Variants in PLCE1 observed in about 807,000 individuals in gnomAD.
PLCE1 encodes the protein 1-phosphatidylinositol 4,5-bisphosphate phosphodiesterase epsilon-1.
PLCE1 carries 119 observed loss-of-function variants against 242.8 expected under a neutral mutation model. The observed-to-expected ratio is 0.49, with a 90% CI of 0.42 to 0.57. The LOEUF (loss-of-function observed/expected upper bound fraction) is 0.57, where lower values mean the gene tolerates loss of function less well. Ranked by LOEUF, PLCE1 falls within the 20% of genes least tolerant of loss-of-function variation. The pLI is 0.00. For missense variants in PLCE1, 2,441 were observed against 2,788.8 expected, an observed-to-expected ratio of 0.88 and a Z score of 2.81; for synonymous variants, 945 against 1,017.4, an observed-to-expected ratio of 0.93 and a Z score of 1.35.
intron 20 of PLCE1, chr10:94,283,117 C>T (rs934189239): frequency 1.3e-5 from 2 of 151,986 alleles, no homozygotes; most frequent in Non-Finnish European, 2.9e-5. Flanking sequence ...CTTCTAATAC[C>T]TTTAGAGTCA....
intron 24 of PLCE1, among the ~76,000 whole-genome samples, chr10:94,301,292 C>T (rs946595236): frequency 2.4e-4 from 36 of 151,242 alleles, no homozygotes; most frequent in African/African-American, 7.8e-4. Flanking sequence ...TGCAGTGAGC[C>T]GAGATCGCGC....
chr10:94,140,544 G>C (rs2046924673), intron 3 of PLCE1, among the ~76,000 whole-genome samples: 1 of 152,056 alleles, frequency 6.6e-6, no homozygotes, highest in Non-Finnish European at 1.5e-5. Context: ...CTCCCATCAA[G>C]TTTTCAACTT....
intron 2 of PLCE1, among the ~76,000 whole-genome samples, chr10:94,078,809 A>G (rs2044576430): frequency 6.6e-6 from 1 of 152,210 alleles, no homozygotes; most frequent in Non-Finnish European, 1.5e-5. Flanking sequence ...GATTGGCAAT[A>G]GCTACAACAT....
At chr10:94,235,723 T>A (rs2050299500) in intron 6 of PLCE1, 192 bp from the exon 7 acceptor site, 2 of 984,078 alleles carry the variant, frequency 2.0e-6, no homozygotes, top group African/African-American at 1.7e-5. Flanking sequence ...GTTGTCTCAG[T>A]GGAAACAAGG....
At chr10:94,221,169 T>C (rs2049730725) in intron 4 of PLCE1, among the ~76,000 whole-genome samples, 1 of 152,174 alleles carries the variant, frequency 6.6e-6, no homozygotes, top group Admixed American at 6.5e-5. Context: ...AAATTATTGA[T>C]CTCTGGCCTT....
intron 1 of PLCE1, among the ~76,000 whole-genome samples, chr10:94,004,239 C>A (rs2134202576): frequency 6.6e-6 from 1 of 152,244 alleles, no homozygotes; most frequent in South Asian, 2.1e-4. Context: ...GATGGATAGA[C>A]ACCATCCTTG....
At chr10:94,243,979 T>C (rs2050595219) in intron 7 of PLCE1, among the ~76,000 whole-genome samples, 1 of 152,206 alleles carries the variant, frequency 6.6e-6, no homozygotes, top group Non-Finnish European at 1.5e-5. Flanking sequence ...CAGAATTACA[T>C]TGCATGAATA....
intron 4 of PLCE1, chr10:94,225,104 G>A (rs943015136): frequency 6.6e-6 from 1 of 152,214 alleles, no homozygotes; most frequent in Admixed American, 6.5e-5. Flanking sequence ...TTTCAGAAGG[G>A]AAGAGGAAGA....
intron 2 of PLCE1, among the ~76,000 whole-genome samples, chr10:94,115,622 C>G (rs2046100574): frequency 6.6e-6 from 1 of 152,084 alleles, no homozygotes; most frequent in Non-Finnish European, 1.5e-5. Flanking sequence ...TTGTTTTTTT[C>G]TTGTAAATTT....
intron 2 of PLCE1, among the ~76,000 whole-genome samples, chr10:94,048,466 T>A (rs1196841819): frequency 6.6e-6 from 1 of 151,978 alleles, no homozygotes; most frequent in Non-Finnish European, 1.5e-5. Context: ...TTTCAACTTG[T>A]TATTTTGCCA....
chr10:94,134,647 G>A (rs1367878128), intron 3 of PLCE1, among the ~76,000 whole-genome samples: 1 of 152,132 alleles, frequency 6.6e-6, no homozygotes, highest in Non-Finnish European at 1.5e-5. Context: ...GGATCTCTAG[G>A]CTGCCCAACC....
At chr10:94,003,744 C>T (rs2060978999) in intron 1 of PLCE1, among the ~76,000 whole-genome samples, 1 of 152,102 alleles carries the variant, frequency 6.6e-6, no homozygotes, top group Non-Finnish European at 1.5e-5. Context: ...ATGAAGTGCA[C>T]ACCATGGATT....
At chr10:94,063,176 C>T (rs1489153430) in intron 2 of PLCE1, among the ~76,000 whole-genome samples, 2 of 152,234 alleles carry the variant, frequency 1.3e-5, no homozygotes, top group African/African-American at 4.8e-5. Context: ...TCACTCACCA[C>T]TCTCCCTCCT....
At chr10:94,301,379 T>C (rs1483446516) in intron 24 of PLCE1, among the ~76,000 whole-genome samples, 1 of 151,558 alleles carries the variant, frequency 6.6e-6, no homozygotes, top group Non-Finnish European at 1.5e-5. Context: ...TATATATAGA[T>C]AGATAGATCG....
rs1296670516 is a variant in PLCE1 at position 94,313,185 on chromosome 10, T to G, written c.6004-69T>G. Reference sequence around the variant, plus strand: ...ATCCGTACTTCTAAGTACTAGCACCTCTGTATCAAATAGAGCTTAGAAATA... The same window carrying G: ...ATCCGTACTTCTAAGTACTAGCACCGCTGTATCAAATAGAGCTTAGAAATA... On this transcript the variant is annotated intron_variant, in intron 27 of 32. Coordinates refer to ENST00000371380, the MANE Select transcript of PLCE1 (RefSeq NM_016341.4). 3.8e-6 allele frequency: 6 copies of G among 1,582,800 alleles called. No individual in the cohort carries two copies. The Middle Eastern group carries it at 6.4e-4, about 169-fold the overall frequency.
intron 26 of PLCE1, among the ~76,000 whole-genome samples, chr10:94,308,368 G>A (rs1404773474): frequency 2.6e-5 from 4 of 152,144 alleles, no homozygotes; most frequent in Non-Finnish European, 5.9e-5. Context: ...TTCTGTTTGA[G>A]TCTAAGTTGG....
At chr10:94,087,349 CAAAAAAA>C (rs57482986) in intron 2 of PLCE1, among the ~76,000 whole-genome samples, 1 of 67,510 alleles carries the variant, frequency 1.5e-5, no homozygotes. Context: ...GACCCTGTCT[CAAAAAAA>C]AAAAAAAAAA....
At position 94,159,452 on chromosome 10, in the gene PLCE1, TTCTC is replaced by T. The variant is rs10571613; in HGVS notation, c.1493-11716_1493-11713del. 2.7e-3 allele frequency among the ~76,000 whole-genome samples: 403 copies of T among 151,810 alleles called. 1 individual carries two copies. Among genetic ancestry groups the T allele is most frequent in the African/African-American group, 9.2e-3 (379 of 41,408 alleles). On this transcript the variant is annotated intron_variant, in intron 3 of 32. Transcript: ENST00000371380. Reference sequence around the variant, plus strand: ...CTTCTATAAGAAGAAATCAATATTCTTCTCTCTCTCTCTCTTATTTTATATAATT... The same window carrying T: ...CTTCTATAAGAAGAAATCAATATTCTTCTCTCTCTCTTATTTTATATAATT...
Position 94,265,871 on chromosome 10 carries a change from C to T in PLCE1, c.4194C>T (p.Leu1398=), listed in dbSNP as rs1436211291. ...ACATTAAAGAACTGCAGCTACCCCT[C>T]TCATACTATTACATCGAATCTTCGC... ...QENIKELQLP[L]SYYYIESSHN... Residue 1398 remains leucine (L), a synonymous_variant, in exon 16 of 33, where the codon CTC becomes CTT. Coordinates refer to ENST00000371380, the MANE Select transcript of PLCE1 (RefSeq NM_016341.4). 3.7e-6 allele frequency: 6 copies of T among 1,614,066 alleles called. No homozygotes were observed. The highest frequency in any genetic ancestry group is 5.1e-6 in the Non-Finnish European group (6 of 1,179,938).
Sources: gnomAD v4.1 joint callset for allele counts (sites outside exome capture counted in the v4.1 genomes callset) on GRCh38, gnomAD v4.1.1 for gene constraint, MANE v1.5 for transcripts, NCBI Gene and HGNC (gene_info 2026-07-23, HGNC 2026-07-21) for gene names.